The following SBF2 variants were observed in gnomAD, a reference collection of about 807,000 sequenced individuals.
SBF2 encodes the protein myotubularin-related protein 13.
SBF2 carries 112 observed loss-of-function variants against 225.2 expected under a neutral mutation model. The observed-to-expected ratio is 0.50, with a 90% CI of 0.43 to 0.58. The LOEUF is 0.58. Ranked by LOEUF, SBF2 falls within the 20% of genes least tolerant of loss-of-function variation. The pLI, the probability that SBF2 is intolerant of heterozygous loss-of-function variation, is 0.00. For missense variants in SBF2, 1,996 were observed against 2,206.2 expected (o/e 0.90, Z 1.91); for synonymous variants, 763 against 773.3 (o/e 0.99, Z 0.22).
At chr11:10,057,950 A>G (rs752339047) in intron 2 of SBF2, among the ~76,000 whole-genome samples, 2 of 152,192 alleles carry the variant, frequency 1.3e-5, no homozygotes, top group African/African-American at 4.8e-5. Flanking sequence ...GTCAGCTTCA[A>G]ATAAAGACCC....
chr11:10,182,094 A>T (rs1300216263), intron 2 of SBF2, among the ~76,000 whole-genome samples: 1 of 152,178 alleles, frequency 6.6e-6, no homozygotes, highest in Non-Finnish European at 1.5e-5. Flanking sequence ...ATGACCATAC[A>T]TGGTAATATC....
chr11:9,821,991 T>C (rs1246110072), intron 28 of SBF2, among the ~76,000 whole-genome samples: 1 of 152,226 alleles, frequency 6.6e-6, no homozygotes, highest in African/African-American at 2.4e-5. Context: ...ATGTCGACTT[T>C]CTTCCCATTT....
chr11:9,885,278 C>T (rs1246176096), intron 17 of SBF2, among the ~76,000 whole-genome samples: 1 of 122,588 alleles, frequency 8.2e-6, no homozygotes, highest in Non-Finnish European at 1.8e-5. Flanking sequence ...AAAAAAAAAC[C>T]CCACCCCCCC....
chr11:9,896,185 T>C (rs1008258135), intron 16 of SBF2, among the ~76,000 whole-genome samples, 174 bp from the exon 17 acceptor site: 1 of 152,182 alleles, frequency 6.6e-6, no homozygotes, highest in Admixed American at 6.5e-5. Context: ...CATTAAGACA[T>C]AGCTAGGTAA....
chr11:9,938,950 G>T (rs186352974), intron 16 of SBF2, among the ~76,000 whole-genome samples: 4 of 151,640 alleles, frequency 2.6e-5, no homozygotes, highest in Admixed American at 2.6e-4. Context: ...ATTGTAAAGG[G>T]CAATATCTAA....
chr11:9,972,895 G>T (rs1335858704), intron 13 of SBF2, among the ~76,000 whole-genome samples: 2 of 152,212 alleles, frequency 1.3e-5, no homozygotes, highest in South Asian at 2.1e-4. Context: ...AAAAGATCAT[G>T]TTAAAACAAA....
At chr11:10,173,167 C>A (rs998873842) in intron 2 of SBF2, among the ~76,000 whole-genome samples, 1 of 152,116 alleles carries the variant, frequency 6.6e-6, no homozygotes, top group African/African-American at 2.4e-5. Context: ...CCAAGATGGC[C>A]GAATAGGAAC....
At chr11:10,256,262 C>T (rs979479994) in intron 1 of SBF2, among the ~76,000 whole-genome samples, 1 of 152,176 alleles carries the variant, frequency 6.6e-6, no homozygotes, top group Non-Finnish European at 1.5e-5. Context: ...CCTATTATGA[C>T]TGTAGTTTTA....
intron 3 of SBF2, 23 bp from the exon 4 acceptor site, chr11:10,031,193 CAACA>C: frequency 1.2e-6 from 2 of 1,611,972 alleles, no homozygotes; most frequent in African/African-American, 2.7e-5. Flanking sequence ...ACACTGAAAT[CAACA>C]AACAGAAGGG....
In SBF2 at chr11:9,901,206, T is replaced by C. The variant is rs1031912204; in HGVS notation, c.1861-5195A>G. 2.0e-5 allele frequency among the ~76,000 whole-genome samples: 3 copies of C among 152,180 alleles called. No homozygotes were observed. In the South Asian group the frequency reaches 6.2e-4, roughly 32 times the overall value. The stretch of plus-strand genomic sequence containing the variant: ...AGCAAGGAATATGCAGACCAAAATA[T>C]AAGTAGAAACTTGGAAAGATAAACA... On this transcript the variant is annotated intron_variant, in intron 16 of 39. Coordinates refer to ENST00000256190, the MANE Select transcript of SBF2 (RefSeq NM_030962.4).
chr11:10,046,002 G>A (rs1420817819), intron 2 of SBF2, among the ~76,000 whole-genome samples: 2 of 151,764 alleles, frequency 1.3e-5, no homozygotes, highest in South Asian at 4.2e-4. Context: ...TATAAAAATA[G>A]CATATATAAA....
chr11:9,856,097 G>A (rs921523718), intron 19 of SBF2, among the ~76,000 whole-genome samples: 1 of 152,214 alleles, frequency 6.6e-6, no homozygotes, highest in African/African-American at 2.4e-5. Context: ...CTACAAGGTT[G>A]AGGAAAAGGA....
intron 13 of SBF2, among the ~76,000 whole-genome samples, chr11:9,978,527 G>T (rs1946801431): frequency 6.6e-6 from 1 of 152,058 alleles, no homozygotes; most frequent in Non-Finnish European, 1.5e-5. Context: ...ACATTTGAAG[G>T]GCTCTTACCT....
chr11:9,925,098 G>A (rs1378901997), intron 16 of SBF2, among the ~76,000 whole-genome samples: 1 of 152,014 alleles, frequency 6.6e-6, no homozygotes, highest in Non-Finnish European at 1.5e-5. Context: ...GAGTTTATCA[G>A]GAATGTAACC....
intron 7 of SBF2, among the ~76,000 whole-genome samples, chr11:10,002,204 TAAGA>T (rs1347141148): frequency 6.6e-6 from 1 of 152,188 alleles, no homozygotes; most frequent in Non-Finnish European, 1.5e-5. Flanking sequence ...AGTGGGTATC[TAAGA>T]GAGATAAGAG....
Position 9,781,593 on chromosome 11 carries a change from T to C in SBF2, c.5365A>G (p.Ile1789Val), listed in dbSNP as rs746542104. 4 of 1,614,216 alleles carry C rather than the reference T, an allele frequency of 2.5e-6. No homozygotes were observed. The highest frequency in any genetic ancestry group is 1.7e-5 in the Admixed American group (1 of 60,032). ...SGEDTSCKGH[I>V]DLAEVEMVIP... ...ACCATTTCTACTTCAGCCAGATCAA[T>C]GTGGCCTTTACAGCTTGTGTCCTCA... Residue 1789 changes from isoleucine (I) to valine (V), a missense_variant, in exon 39 of 40, where the codon ATT (isoleucine) becomes GTT (valine). Ile to Val is a conservative substitution (Grantham distance 29). Coordinates refer to ENST00000256190, the MANE Select transcript of SBF2 (RefSeq NM_030962.4).
intron 10 of SBF2, 119 bp downstream of exon 10, chr11:9,993,802 G>C: frequency 1.0e-6 from 1 of 999,662 alleles, no homozygotes; most frequent in Non-Finnish European, 1.5e-6. Flanking sequence ...TTTCTAATTT[G>C]GGGCACTTTT....
intron 1 of SBF2, among the ~76,000 whole-genome samples, chr11:10,251,201 A>G (rs1242472844): frequency 6.6e-6 from 1 of 152,224 alleles, no homozygotes; most frequent in Non-Finnish European, 1.5e-5. Flanking sequence ...ATGTTGCCTC[A>G]TAATCAGTCA....
chr11:10,198,281 C>T (rs1228801779), intron 1 of SBF2, among the ~76,000 whole-genome samples: 2 of 152,188 alleles, frequency 1.3e-5, no homozygotes, highest in Admixed American at 6.5e-5. Context: ...TGTTAGCAGG[C>T]ATGAAAACAA....
Sources: gnomAD v4.1 joint callset for allele counts (sites outside exome capture counted in the v4.1 genomes callset) on GRCh38, gnomAD v4.1.1 for gene constraint, MANE v1.5 for transcripts, NCBI Gene and HGNC (gene_info 2026-07-23, HGNC 2026-07-21) for gene names.